The following ANKRD13A variants were observed in gnomAD, a reference collection of about 807,000 sequenced individuals.
The protein encoded by ANKRD13A is ankyrin repeat domain 13A.
In ANKRD13A, 48 loss-of-function variants were observed where a neutral mutation model predicts 81.3. The observed-to-expected ratio is 0.59, with a 90% CI of 0.47 to 0.75. ANKRD13A has a LOEUF of 0.75. ANKRD13A is among the 30% of genes least tolerant of loss of function. The pLI is 0.00. For missense variants in ANKRD13A, 612 were observed against 734.0 expected, an observed-to-expected ratio of 0.83 and a Z score of 1.92; for synonymous variants, 230 against 270.1, an observed-to-expected ratio of 0.85 and a Z score of 1.45.
At chr12:110,030,884 C>G (rs370580517) in intron 12 of ANKRD13A, 126 bp downstream of exon 12, 15 of 392,886 alleles carry the variant, frequency 3.8e-5, no homozygotes, top group Non-Finnish European at 6.3e-5. Context: ...CACCTGAGGT[C>G]GGGAGTTTGA....
In ANKRD13A at chr12:110,018,623, T is replaced by A; in HGVS notation, c.544+135T>A. ...GGCATGTTTTTTTGGTTATTCTTAT[T>A]AATTATTCAGCTCTCCATCCCTGTC... On this transcript the variant is annotated intron_variant, in intron 5 of 14. Transcript: ENST00000261739. The surrounding 1 kb of genome is among the most constrained non-coding windows in gnomAD (Gnocchi z 4.4). The A allele has an allele frequency of 2.8e-6, 3 of 1,062,916 alleles. No individual in the cohort carries two copies. The highest frequency in any genetic ancestry group is 4.0e-6 in the Non-Finnish European group (3 of 749,346). The allele number at this position is 1,062,916 out of a possible 1,614,324, so 65.8% of individuals were successfully genotyped here. A position where few individuals can be genotyped will look rare whatever the true frequency, so the allele number is the denominator to read the frequency against.
At chr12:110,024,961 GC>G (rs1891244114) in intron 7 of ANKRD13A, among the ~76,000 whole-genome samples, 1 of 152,206 alleles carries the variant, frequency 6.6e-6, no homozygotes, top group South Asian at 2.1e-4. Flanking sequence ...ATAGTGACTT[GC>G]TGGTTTTCTC....
chr12:110,031,578 T>C (rs940777519), intron 12 of ANKRD13A, among the ~76,000 whole-genome samples: 3 of 152,158 alleles, frequency 2.0e-5, no homozygotes, highest in Non-Finnish European at 4.4e-5. Flanking sequence ...CTGGAACTCC[T>C]GACCTCAAGT....
At position 110,012,149 on chromosome 12, in the gene ANKRD13A, T is replaced by G; in HGVS notation, c.229+12T>G. 1 of 1,592,024 alleles carries G rather than the reference T, an allele frequency of 6.3e-7. No individual in the cohort carries two copies. The highest frequency in any genetic ancestry group is 8.6e-7 in the Non-Finnish European group (1 of 1,162,590). On this transcript the variant is annotated intron_variant, in intron 2 of 14. Transcript: ENST00000261739. ...CCAGGGATGGACAGGTAAGTATACT[T>G]TTACAATAATTTAAAGTCCGTCTGA...
At position 110,031,498 on chromosome 12, in the gene ANKRD13A, G is replaced by A. The variant is rs932131699; in HGVS notation, c.1348+740G>A. Among the ~76,000 whole-genome samples, 4 of 152,020 alleles carry A rather than the reference G, an allele frequency of 2.6e-5. No individual in the cohort carries two copies. The East Asian group carries it at 5.8e-4, about 22-fold the overall frequency. On this transcript the variant is annotated intron_variant, in intron 12 of 14. Coordinates refer to ENST00000261739, the MANE Select transcript of ANKRD13A (RefSeq NM_033121.2). ...CCCAAGTAGCTGGGAATACAGGTGC[G>A]TGCCACCATGCCTGGCTGATTTTTG...
chr12:110,026,692 G>A (rs1456100597), intron 8 of ANKRD13A, among the ~76,000 whole-genome samples: 2 of 152,062 alleles, frequency 1.3e-5, no homozygotes, highest in Admixed American at 6.5e-5. Context: ...GACCAGCCTG[G>A]CCAATATGGT....
At chr12:110,005,829 CT>C (rs963055381) in intron 1 of ANKRD13A, among the ~76,000 whole-genome samples, 2 of 151,748 alleles carry the variant, frequency 1.3e-5, no homozygotes, top group African/African-American at 4.8e-5. Context: ...TGTGGGTTTC[CT>C]TTTTTTTGAG....
chr12:110,006,989 G>C (rs1890274335), intron 1 of ANKRD13A, among the ~76,000 whole-genome samples: 1 of 152,186 alleles, frequency 6.6e-6, no homozygotes, highest in South Asian at 2.1e-4. Flanking sequence ...TGGCACCCTT[G>C]TTGAAAATCA....
chr12:110,003,091 T>C (rs1819171438), intron 1 of ANKRD13A, among the ~76,000 whole-genome samples: 1 of 152,226 alleles, frequency 6.6e-6, no homozygotes, highest in Admixed American at 6.5e-5. Flanking sequence ...TAAAGAAGTC[T>C]GTTAAACTTC....
In ANKRD13A at chr12:109,999,652, G is replaced by T; in HGVS notation, c.-37G>T. 6.7e-7 allele frequency: 1 copy of T among 1,492,092 alleles called. No homozygotes were observed. The highest frequency in any genetic ancestry group is 9.0e-7 in the Non-Finnish European group (1 of 1,114,750). 92.4% of individuals were successfully genotyped at this position (1,492,092 alleles called of 1,614,324 possible). ...GAGACCCCGCCGGGGCCGAGACTTG[G>T]GGCGGGCGACGAGGACCAGGTTACG... On this transcript the variant is annotated 5_prime_UTR_variant, in exon 1 of 15. Coordinates refer to ENST00000261739, the MANE Select transcript of ANKRD13A (RefSeq NM_033121.2). The surrounding 1 kb of genome is among the most constrained non-coding windows in gnomAD (Gnocchi z 4.3).
rs555814676 is a variant in ANKRD13A, at chr12:110,005,949, TG to T, written c.97-6053del. Among the ~76,000 whole-genome samples, 27 of 152,286 alleles carry T rather than the reference TG, an allele frequency of 1.8e-4. No individual in the cohort carries two copies. The South Asian group carries it at 5.4e-3, about 30-fold the overall frequency. On this transcript the variant is annotated intron_variant, in intron 1 of 14. Coordinates refer to ENST00000261739, the MANE Select transcript of ANKRD13A (RefSeq NM_033121.2). ...CTCCTGTCTCAGCCTCCCTAGTAGC[TG>T]GGATTACAGGTGTGCACCACCACGC... is the stretch of plus-strand genomic sequence containing the variant.
At chr12:110,011,924 T>C (rs1260800864) in intron 1 of ANKRD13A, 81 bp from the exon 2 acceptor site, 14 of 1,375,364 alleles carry the variant, frequency 1.0e-5, no homozygotes, top group Non-Finnish European at 1.4e-5. Context: ...CTATTTTTTG[T>C]ACTTGAAATA....
chr12:110,028,331 C>T, intron 9 of ANKRD13A, 181 bp from the exon 10 acceptor site: 2 of 537,802 alleles, frequency 3.7e-6, no homozygotes, highest in Non-Finnish European at 6.5e-6. Flanking sequence ...AAATCCATTA[C>T]ACTTCCTGTG....
chr12:110,012,289 C>T (rs1052352848), intron 2 of ANKRD13A, 152 bp downstream of exon 2: 4 of 865,530 alleles, frequency 4.6e-6, no homozygotes, highest in East Asian at 2.7e-5. Flanking sequence ...CACCTGAGCC[C>T]GGGGAGGTTG....
chr12:110,030,734 G>A lies in ANKRD13A; in HGVS notation c.1324G>A (p.Val442Met), dbSNP rs1891634125. Residue 442 changes from valine to methionine, a missense_variant, in exon 12 of 15, where the codon GTG (valine) becomes ATG (methionine). Val to Met is a conservative substitution (Grantham distance 21). Transcript: ENST00000261739. ...STAEESVSQN[V>M]EGTQADSASH... ...TGCCGAAGAATCTGTATCTCAAAATGTGGAAGGGACCCAGGCTGATTCAGG... is the reference window on the plus strand; with the variant it reads ...TGCCGAAGAATCTGTATCTCAAAATATGGAAGGGACCCAGGCTGATTCAGG... 6.2e-7 allele frequency: 1 copy of A among 1,607,060 alleles called. No homozygotes were observed. Among genetic ancestry groups the A allele is most frequent in the Non-Finnish European group, 8.5e-7 (1 of 1,175,934 alleles).
chr12:110,035,187 G>A (rs532805365), intron 13 of ANKRD13A, among the ~76,000 whole-genome samples: 70 of 152,210 alleles, frequency 4.6e-4, no homozygotes, highest in South Asian at 2.9e-3. Flanking sequence ...CTATGTAAGT[G>A]AGCTTAGCTC....
chr12:110,036,672 C>T lies in ANKRD13A; in HGVS notation c.1577+344C>T, dbSNP rs1412322625. Among the ~76,000 whole-genome samples the T allele has an allele frequency of 1.3e-5, 2 of 152,150 alleles. No homozygotes were observed. Among genetic ancestry groups the T allele is most frequent in the Non-Finnish European group, 2.9e-5 (2 of 67,992 alleles). ...GAGGCTGAGGCAGGAGAATGGCAAA[C>T]CCAGGAGGCGGAGCTTGCAGTGAGC... On this transcript the variant is annotated intron_variant, in intron 14 of 14. Transcript: ENST00000261739. The surrounding 1 kb of genome is among the most constrained non-coding windows in gnomAD (Gnocchi z 4.6).
At chr12:110,025,948 T>G in intron 8 of ANKRD13A, 125 bp downstream of exon 8, 1 of 732,652 alleles carries the variant, frequency 1.4e-6, no homozygotes, top group Non-Finnish European at 2.2e-6. Context: ...AACCCTAACT[T>G]CTTCTCTCTC....
rs1593213955 is a variant in ANKRD13A at position 110,019,316 on chromosome 12, T to C, written c.722T>C (p.Ile241Thr). 1.2e-6 allele frequency: 2 copies of C among 1,605,620 alleles called. No homozygotes were observed. The highest frequency in any genetic ancestry group is 1.7e-6 in the Non-Finnish European group (2 of 1,176,172). Residue 241 changes from isoleucine (I) to threonine (T), a missense_variant, in exon 6 of 15, where the codon ATT (isoleucine) becomes ACT (threonine). By Grantham distance (89) the Ile-to-Thr change is moderately conservative. Transcript: ENST00000261739. ...VINTSLDTKN[I>T]AFERTKSGFW... ...AACACCAGCCTCGATACTAAAAATA[T>C]TGCTTTTGAAAGGTACAAATTTAGA... is the stretch of plus-strand genomic sequence containing the variant.
Sources: gnomAD v4.1 joint callset for allele counts (sites outside exome capture counted in the v4.1 genomes callset) on GRCh38, gnomAD v4.1.1 for gene constraint, Gnocchi (gnomAD v3.1) non-coding constraint, MANE v1.5 for transcripts, NCBI Gene and HGNC (gene_info 2026-07-23, HGNC 2026-07-21) for gene names.